PPM1G: variants seen among roughly 807,000 people sequenced by gnomAD.
PPM1G encodes the protein protein phosphatase, Mg2+/Mn2+ dependent 1G, also known as protein phosphatase 1G.
PPM1G carries 12 observed loss-of-function variants against 59.4 expected under a neutral mutation model. The ratio of observed to expected loss-of-function variants is 0.20; its 90% confidence interval spans 0.13 to 0.33. PPM1G has a LOEUF of 0.33. Ranked by LOEUF, PPM1G falls within the 10% of genes least tolerant of loss-of-function variation. The pLI is 1.00. For synonymous variants in PPM1G, 245 were observed against 251.9 expected (o/e 0.97, Z 0.26); for missense variants, 392 against 681.3 (o/e 0.58, Z 4.73).
chr2:27,408,646 C>A (rs1052704662), intron 1 of PPM1G, among the ~76,000 whole-genome samples: 10 of 152,046 alleles, frequency 6.6e-5, no homozygotes, highest in African/African-American at 2.2e-4. Context: ...AGAAAGAAAA[C>A]GAAGCATAAT....
chr2:27,393,319 A>G (rs941861194), intron 1 of PPM1G: 1 of 1,598,028 alleles, frequency 6.3e-7, no homozygotes, highest in Admixed American at 1.7e-5. Context: ...GCGGCCTCTG[A>G]GTCTTGGTGG....
At chr2:27,402,077 T>A (rs1684191654) in intron 1 of PPM1G, among the ~76,000 whole-genome samples, 1 of 152,018 alleles carries the variant, frequency 6.6e-6, no homozygotes, top group African/African-American at 2.4e-5. Context: ...CATTTTCAAA[T>A]ACTAAATATG....
At position 27,383,888 on chromosome 2, in the gene PPM1G, A is replaced by G; in HGVS notation, c.966+64T>C. The stretch of plus-strand genomic sequence containing the variant: ...AGGGGGATCCCCTGTCTCAAAATCA[A>G]AATTAGGGGATTCACACCTGCCTTG... On this transcript the variant is annotated intron_variant, in intron 6 of 9. Transcript: ENST00000344034. The surrounding 1 kb of genome is among the most constrained non-coding windows in gnomAD (Gnocchi z 5.0). The G allele has an allele frequency of 6.5e-7, 1 of 1,544,528 alleles. No homozygotes were observed. The highest frequency in any genetic ancestry group is 1.2e-5 in the South Asian group (1 of 83,154).
Position 27,409,290 on chromosome 2 carries a change from C to G in PPM1G, c.120+13G>C, listed in dbSNP as rs780289869. ...CCCCGCAGCGGCCAGCCTATGGGCC[C>G]CTGCCTCCTCACCTCCATGGAGACG... On this transcript the variant is annotated intron_variant, in intron 1 of 9. Coordinates refer to ENST00000344034, the MANE Select transcript of PPM1G (RefSeq NM_177983.3). The G allele has an allele frequency of 6.4e-7, 1 of 1,553,884 alleles. No individual in the cohort carries two copies. Among genetic ancestry groups the G allele is most frequent in the South Asian group, 1.2e-5 (1 of 84,758 alleles).
intron 2 of PPM1G, 95 bp downstream of exon 2, chr2:27,386,994 C>T: frequency 1.0e-6 from 1 of 959,948 alleles, no homozygotes; most frequent in Non-Finnish European, 1.7e-6. Context: ...GAGGGCCAGA[C>T]CCTGGAAAGT....
chr2:27,386,997 T>C, intron 2 of PPM1G, 92 bp downstream of exon 2: 2 of 1,004,606 alleles, frequency 2.0e-6, no homozygotes, highest in Non-Finnish European at 3.1e-6. Context: ...GGCCAGACCC[T>C]GGAAAGTAAA....
Position 27,381,330 on chromosome 2 carries a change from C to T in PPM1G, c.*269G>A. On this transcript the variant is annotated 3_prime_UTR_variant, in exon 10 of 10. Transcript: ENST00000344034. ...TAAATAAAGTTCACAGAGTAAAAACCAGAACCGCCAGTCCTTCCCTCCAAC... is the reference window on the plus strand; with the variant it reads ...TAAATAAAGTTCACAGAGTAAAAACTAGAACCGCCAGTCCTTCCCTCCAAC... 1.9e-6 allele frequency: 1 copy of T among 532,324 alleles called. No homozygotes were observed. Among genetic ancestry groups the T allele is most frequent in the Non-Finnish European group, 3.4e-6 (1 of 295,668 alleles). 33.0% of individuals were successfully genotyped at this position (532,324 alleles called of 1,614,324 possible). A position where few individuals can be genotyped will look rare whatever the true frequency, so the allele number is the denominator to read the frequency against.
rs768081772 is a variant in PPM1G at position 27,381,701 on chromosome 2, G to T, written c.1539C>A (p.Leu513=). The T allele has an allele frequency of 5.6e-6, 9 of 1,613,908 alleles. No individual in the cohort carries two copies. In the African/African-American group the frequency reaches 1.1e-4, roughly 19 times the overall value. ...GTTTTCGCTTGCCACTCTCTGGCTG[G>T]AGCTCTGCTGTGTTTCGGGGCTTGA... ...ICFKPRNTAE[L]QPESGKRKLE... is the part of the protein sequence containing the mutation. The change falls in exon 10 of 10, where the codon CTC becomes CTA. Residue 513 remains leucine, a synonymous_variant. Coordinates refer to ENST00000344034, the MANE Select transcript of PPM1G (RefSeq NM_177983.3).
In PPM1G at chr2:27,384,383, C is replaced by T. The variant is rs556037626; in HGVS notation, c.825+290G>A. Among the ~76,000 whole-genome samples the T allele has an allele frequency of 2.6e-5, 4 of 152,322 alleles. No individual in the cohort carries two copies. In the South Asian group the frequency reaches 8.3e-4, roughly 32 times the overall value. Reference sequence around the variant, plus strand: ...AAAATAAATTTTCCAGAGAAGAAAACAGTCAACTAGCCAAGGTAACAACTA... The same window carrying T: ...AAAATAAATTTTCCAGAGAAGAAAATAGTCAACTAGCCAAGGTAACAACTA... On this transcript the variant is annotated intron_variant, in intron 5 of 9. Coordinates refer to ENST00000344034, the MANE Select transcript of PPM1G (RefSeq NM_177983.3). This position sits in a 1 kb window ranked among gnomAD's most constrained non-coding sequence, Gnocchi z 4.8.
At chr2:27,403,559 G>A (rs1684234427) in intron 1 of PPM1G, among the ~76,000 whole-genome samples, 1 of 152,048 alleles carries the variant, frequency 6.6e-6, no homozygotes, top group African/African-American at 2.4e-5. Flanking sequence ...TGCAAATAAT[G>A]CGTTTTTATA....
intron 1 of PPM1G, among the ~76,000 whole-genome samples, chr2:27,406,154 A>C (rs1413038134): frequency 6.6e-6 from 1 of 152,222 alleles, no homozygotes; most frequent in African/African-American, 2.4e-5. Flanking sequence ...TCCATCAGTC[A>C]GCATGTCAAC....
At position 27,383,028 on chromosome 2, in the gene PPM1G, G is replaced by T. The variant is rs1683676696; in HGVS notation, c.1201+338C>A. On this transcript the variant is annotated intron_variant, in intron 7 of 9. Coordinates refer to ENST00000344034, the MANE Select transcript of PPM1G (RefSeq NM_177983.3). The surrounding 1 kb of genome is among the most constrained non-coding windows in gnomAD (Gnocchi z 5.0). ...TTTTTTTTTTTTTAGTAGAGATGGGGTTTCACCATGTTGGCCAGGCTGGCC... is the reference window on the plus strand; with the variant it reads ...TTTTTTTTTTTTTAGTAGAGATGGGTTTTCACCATGTTGGCCAGGCTGGCC... Among the ~76,000 whole-genome samples the T allele has an allele frequency of 6.6e-6, 1 of 150,842 alleles. No homozygotes were observed. Among genetic ancestry groups the T allele is most frequent in the African/African-American group, 2.4e-5 (1 of 41,064 alleles).
chr2:27,409,531 A>T lies in PPM1G; in HGVS notation c.-109T>A, dbSNP rs923042040. ...AGGAGCAGGCCCCGCGGCGCGACCGACGCAAGGTGCCGGTGAAAGGCGCGA... is the reference window on the plus strand; with the variant it reads ...AGGAGCAGGCCCCGCGGCGCGACCGTCGCAAGGTGCCGGTGAAAGGCGCGA... On this transcript the variant is annotated 5_prime_UTR_variant, in exon 1 of 10. Transcript: ENST00000344034. 7.7e-7 allele frequency: 1 copy of T among 1,298,316 alleles called. No homozygotes were observed. The highest frequency in any genetic ancestry group is 1.6e-5 in the African/African-American group (1 of 63,782). The allele number at this position is 1,298,316 out of a possible 1,614,324, so 80.4% of individuals were successfully genotyped here.
chr2:27,398,976 C>T (rs981270460), intron 1 of PPM1G, among the ~76,000 whole-genome samples: 8 of 151,836 alleles, frequency 5.3e-5, no homozygotes, highest in Non-Finnish European at 7.4e-5. Flanking sequence ...GAAACCCGGT[C>T]TCTACTAAAA....
At position 27,394,430 on chromosome 2, in the gene PPM1G, A is replaced by G. The variant is rs1411411076; in HGVS notation, c.121-7272T>C. Among the ~76,000 whole-genome samples the G allele has an allele frequency of 2.0e-5, 3 of 152,122 alleles. No homozygotes were observed. The East Asian group carries it at 5.8e-4, about 29-fold the overall frequency. On this transcript the variant is annotated intron_variant, in intron 1 of 9. Transcript: ENST00000344034. ...TAGGCTAAATCATTTCTGATCATTC[A>G]CATGCTCAAGATCTTCTTGTGGCTG...
intron 1 of PPM1G, among the ~76,000 whole-genome samples, chr2:27,399,740 T>C (rs1356078661): frequency 6.6e-6 from 1 of 152,122 alleles, no homozygotes; most frequent in Non-Finnish European, 1.5e-5. Context: ...ATAAGTGTAG[T>C]GAACATGTGA....
chr2:27,381,877 G>C, intron 9 of PPM1G, 72 bp from the exon 10 acceptor site: 1 of 1,500,556 alleles, frequency 6.7e-7, no homozygotes, highest in Non-Finnish European at 9.2e-7. Flanking sequence ...TCCCACAAGA[G>C]GGCTGGCTTG....
chr2:27,409,099 C>G (rs1331823021), intron 1 of PPM1G, among the ~76,000 whole-genome samples: 2 of 152,186 alleles, frequency 1.3e-5, no homozygotes, highest in East Asian at 3.9e-4. Flanking sequence ...GCCCTCGCCG[C>G]CACTGGCCAC....
At position 27,383,176 on chromosome 2, in the gene PPM1G, GGTATAATGATACCTAT is replaced by G. The variant is rs1369372003; in HGVS notation, c.1201+174_1201+189del. On this transcript the variant is annotated intron_variant, in intron 7 of 9. Coordinates refer to ENST00000344034, the MANE Select transcript of PPM1G (RefSeq NM_177983.3). The surrounding 1 kb of genome is among the most constrained non-coding windows in gnomAD (Gnocchi z 5.0). Reference sequence around the variant, plus strand: ...CATCATTCAAATGTTACATAAGATGGGTATAATGATACCTATGTATAATGATACCTCTACCCATCTT... The same window carrying G: ...CATCATTCAAATGTTACATAAGATGGGTATAATGATACCTCTACCCATCTT... 2.0e-5 allele frequency among the ~76,000 whole-genome samples: 3 copies of G among 151,976 alleles called. No individual in the cohort carries two copies. The highest frequency in any genetic ancestry group is 4.4e-5 in the Non-Finnish European group (3 of 67,984).
Sources: gnomAD v4.1 joint callset for allele counts (sites outside exome capture counted in the v4.1 genomes callset) on GRCh38, gnomAD v4.1.1 for gene constraint, Gnocchi (gnomAD v3.1) non-coding constraint, MANE v1.5 for transcripts, NCBI Gene and HGNC (gene_info 2026-07-23, HGNC 2026-07-21) for gene names.